The following ATP1A4 variants were observed in gnomAD, a reference collection of about 807,000 sequenced individuals.
ATP1A4 encodes the protein ATPase Na+/K+ transporting subunit alpha 4, also known as sodium/potassium-transporting ATPase subunit alpha-4.
A neutral mutation model predicts 114.3 loss-of-function variants in ATP1A4; 90 were observed. The ratio of observed to expected loss-of-function variants is 0.79; its 90% CI spans 0.66 to 0.94. The LOEUF (loss-of-function observed/expected upper bound fraction) is 0.94, where lower values mean the gene tolerates loss of function less well. ATP1A4 is among the 40% of genes least tolerant of loss of function. The pLI, the probability that ATP1A4 is intolerant of heterozygous loss-of-function variation, is 0.00. For synonymous variants in ATP1A4, 511 were observed against 494.1 expected, an observed-to-expected ratio of 1.03 and a Z score of -0.45; for missense variants, 1,222 against 1,313.6, an observed-to-expected ratio of 0.93 and a Z score of 1.08.
Position 160,156,051 on chromosome 1 carries a change from C to T in ATP1A4, c.418C>T (p.Leu140=). The T allele has an allele frequency of 6.2e-7, 1 of 1,609,574 alleles. No individual in the cohort carries two copies. Among genetic ancestry groups the T allele is most frequent in the Non-Finnish European group, 8.5e-7 (1 of 1,175,860 alleles). The change falls in exon 4 of 22, where the codon CTG becomes TTG. Residue 140 remains leucine (L), a synonymous_variant. Transcript: ENST00000368081. The part of the protein sequence containing the change: ...NEEPTKDNLY[L]SIVLSVVVIV... ...TTTCTTTCCCCACCCTCAGCTCTAC[C>T]TGAGCATCGTACTGTCCGTCGTGGT...
chr1:160,176,340 A>T, intron 16 of ATP1A4, 94 bp downstream of exon 16: 1 of 1,587,660 alleles, frequency 6.3e-7, no homozygotes, highest in South Asian at 1.1e-5. Flanking sequence ...AACTCATGAC[A>T]ACCCACTTAT....
intron 16 of ATP1A4, 44 bp downstream of exon 16, chr1:160,176,290 T>G (rs1244072143): frequency 6.2e-7 from 1 of 1,610,598 alleles, no homozygotes; most frequent in Admixed American, 1.7e-5. Context: ...GAATTCTGCC[T>G]CCTAAGCTCC....
At chr1:160,167,470 C>G in intron 10 of ATP1A4, 58 bp downstream of exon 10, 1 of 1,592,542 alleles carries the variant, frequency 6.3e-7, no homozygotes, top group Non-Finnish European at 8.5e-7. Context: ...ATCACTGGAA[C>G]AAGGGGAGCT....
chr1:160,171,285 C>A lies in ATP1A4; in HGVS notation c.1526C>A (p.Thr509Asn). ...CACCTTCGGGAGGACAGCTCCCAGACCCACGTACTGATGATGAAGGGTGCT... is the reference window on the plus strand; with the variant it reads ...CACCTTCGGGAGGACAGCTCCCAGAACCACGTACTGATGATGAAGGGTGCT... ...SIHLREDSSQ[T>N]HVLMMKGAPE... The change falls in exon 11 of 22, where the codon ACC becomes AAC. Residue 509 changes from threonine (T) to asparagine (N), a missense_variant. Thr to Asn is a moderately conservative substitution (Grantham distance 65). Transcript: ENST00000368081. 6.2e-7 allele frequency: 1 copy of A among 1,613,942 alleles called. No individual in the cohort carries two copies. Among genetic ancestry groups the A allele is most frequent in the South Asian group, 1.1e-5 (1 of 91,064 alleles).
At chr1:160,155,914 C>G in intron 3 of ATP1A4, 131 bp from the exon 4 acceptor site, 3 of 624,934 alleles carry the variant, frequency 4.8e-6, no homozygotes, top group Non-Finnish European at 8.8e-6. Context: ...CTTCTCTACC[C>G]CTCTGCTCTC....
At position 160,180,799 on chromosome 1, in the gene ATP1A4, C is replaced by G. The variant is rs1212191452; in HGVS notation, c.2737-885C>G. Among the ~76,000 whole-genome samples the G allele has an allele frequency of 5.3e-5, 8 of 149,574 alleles. No homozygotes were observed. The East Asian group carries it at 9.9e-4, about 18-fold the overall frequency. On this transcript the variant is annotated intron_variant, in intron 18 of 21. Coordinates refer to ENST00000368081, the MANE Select transcript of ATP1A4 (RefSeq NM_144699.4). ...GCATGATCTCGGCTCACTACAAGCTCCGCCTCCCGGGTTCACACCATTCTC... is the reference window on the plus strand; with the variant it reads ...GCATGATCTCGGCTCACTACAAGCTGCGCCTCCCGGGTTCACACCATTCTC...
intron 4 of ATP1A4, among the ~76,000 whole-genome samples, chr1:160,156,587 C>A (rs1652678369): frequency 6.6e-6 from 1 of 152,048 alleles, no homozygotes; most frequent in Admixed American, 6.6e-5. Context: ...GCCTGTAATC[C>A]CAGCACTCTG....
At chr1:160,167,895 G>C (rs1191090850) in intron 10 of ATP1A4, among the ~76,000 whole-genome samples, 1 of 152,198 alleles carries the variant, frequency 6.6e-6, no homozygotes. Context: ...AGGCGATCAG[G>C]AGTCTCTGCC....
intron 20 of ATP1A4, among the ~76,000 whole-genome samples, chr1:160,185,953 G>C (rs1653867219): frequency 6.6e-6 from 1 of 150,776 alleles, no homozygotes; most frequent in African/African-American, 2.4e-5. Context: ...AAATTAGCTG[G>C]GCGTGGTGGT....
In ATP1A4 at chr1:160,166,664, C is replaced by T; in HGVS notation, c.1184C>T (p.Thr395Ile). The T allele has an allele frequency of 6.2e-7, 1 of 1,614,212 alleles. No homozygotes were observed. The highest frequency in any genetic ancestry group is 1.1e-5 in the South Asian group (1 of 91,078). The stretch of plus-strand genomic sequence containing the variant: ...GGCACCCTCACCCAGAACCGCATGA[C>T]CGTCGCCCACATGTGGTTTGATATG... Reference protein sequence around the residue: ...KTGTLTQNRMTVAHMWFDMTV... With the variant: ...KTGTLTQNRMIVAHMWFDMTV... Residue 395 changes from threonine (T) to isoleucine (I), a missense_variant, in exon 8 of 22, where the codon ACC (threonine) becomes ATC (isoleucine). Transcript: ENST00000368081.
chr1:160,162,115 G>T (rs969303712), intron 6 of ATP1A4, among the ~76,000 whole-genome samples: 1 of 152,156 alleles, frequency 6.6e-6, no homozygotes, highest in East Asian at 1.9e-4. Context: ...CTGACTCTCA[G>T]CATTTAAGTA....
At chr1:160,184,066 C>T (rs1241725487) in intron 20 of ATP1A4, among the ~76,000 whole-genome samples, 2 of 151,634 alleles carry the variant, frequency 1.3e-5, no homozygotes. Context: ...AATTCTCCTG[C>T]CTCAGTCTCC....
chr1:160,156,141 A>C lies in ATP1A4; in HGVS notation c.508A>C (p.Lys170Gln), dbSNP rs1368523915. The C allele has an allele frequency of 6.2e-7, 1 of 1,612,188 alleles. No individual in the cohort carries two copies. The highest frequency in any genetic ancestry group is 1.3e-5 in the African/African-American group (1 of 74,876). The change falls in exon 4 of 22, where the codon AAG becomes CAG. Residue 170 changes from lysine (K) to glutamine (Q), a missense_variant. Coordinates refer to ENST00000368081, the MANE Select transcript of ATP1A4 (RefSeq NM_144699.4). ...GAGCTCCAAGATCATGGAGTCTTTT[A>C]AGAACATGGTGCCTCAGGTAGGATT... is the stretch of plus-strand genomic sequence containing the variant. ...AKSSKIMESF[K>Q]NMVPQQALVI...
Position 160,151,982 on chromosome 1 carries a change from C to T in ATP1A4, c.-59C>T. ...GCGCGCCCTCTTCCCTTCCCCTTGC[C>T]TCACTCTCTCAGCTTTCTTCCCACA... On this transcript the variant is annotated 5_prime_UTR_variant, in exon 1 of 22. Coordinates refer to ENST00000368081, the MANE Select transcript of ATP1A4 (RefSeq NM_144699.4). 3.8e-6 allele frequency: 6 copies of T among 1,568,548 alleles called. No homozygotes were observed. The highest frequency in any genetic ancestry group is 5.2e-6 in the Non-Finnish European group (6 of 1,158,462).
intron 6 of ATP1A4, among the ~76,000 whole-genome samples, chr1:160,159,985 G>A (rs915216213): frequency 2.6e-5 from 4 of 152,106 alleles, no homozygotes; most frequent in African/African-American, 9.7e-5. Flanking sequence ...ATTACCAGAG[G>A]TGCCACTTAG....
chr1:160,179,522 C>T (rs1311749439), intron 18 of ATP1A4, among the ~76,000 whole-genome samples: 1 of 152,208 alleles, frequency 6.6e-6, no homozygotes, highest in Non-Finnish European at 1.5e-5. Flanking sequence ...AAAGGCGTGT[C>T]CGTGTCTCTT....
At chr1:160,167,853 TTGGCTTGC>T (rs1478839962) in intron 10 of ATP1A4, among the ~76,000 whole-genome samples, 2 of 152,228 alleles carry the variant, frequency 1.3e-5, no homozygotes. Flanking sequence ...CACCCCACAC[TTGGCTTGC>T]AGTTCTAGTG....
At chr1:160,164,571 T>C (rs1652970312) in intron 7 of ATP1A4, 147 bp downstream of exon 7, 3 of 851,230 alleles carry the variant, frequency 3.5e-6, no homozygotes, top group African/African-American at 1.7e-5. Context: ...TAGCTCTCAA[T>C]ATTACACTGA....
rs1280000851 is a variant in ATP1A4, at chr1:160,166,837, GGAGAA to G, written c.1246+115_1246+119del. 1.7e-5 allele frequency: 26 copies of G among 1,512,656 alleles called. No homozygotes were observed. The East Asian group carries it at 6.0e-4, about 35-fold the overall frequency. The allele number at this position is 1,512,656 out of a possible 1,614,324, so 93.7% of individuals were successfully genotyped here. A position where few individuals can be genotyped will look rare whatever the true frequency, so the allele number is the denominator to read the frequency against. ...ACAGGAGGGAGCCTGAAAGTGGAGTGGAGAAGAGGGAGGTGTGAAGGAAAAGAAAT... is the reference window on the plus strand; with the variant it reads ...ACAGGAGGGAGCCTGAAAGTGGAGTGGAGGGAGGTGTGAAGGAAAAGAAAT... On this transcript the variant is annotated intron_variant, in intron 8 of 21. Coordinates refer to ENST00000368081, the MANE Select transcript of ATP1A4 (RefSeq NM_144699.4).
Sources: allele counts gnomAD v4.1 joint callset (sites outside exome capture counted in the v4.1 genomes callset), GRCh38; gene constraint gnomAD v4.1.1; transcripts MANE v1.5; gene names NCBI Gene and HGNC (gene_info 2026-07-23, HGNC 2026-07-21).